C8orf34: variants seen among roughly 807,000 people sequenced by gnomAD.
The protein encoded by C8orf34 is chromosome 8 open reading frame 34, also known as uncharacterized protein C8orf34.
In C8orf34, 65 loss-of-function variants were observed where a neutral mutation model predicts 68.3. That is an observed-to-expected ratio of 0.95 (90% CI 0.78 to 1.17). The LOEUF (loss-of-function observed/expected upper bound fraction) is 1.17, where lower values mean the gene tolerates loss of function less well. Ranked by LOEUF, C8orf34 falls within the 50% of genes most tolerant of loss-of-function variation. C8orf34 has a pLI of 0.00. For synonymous variants in C8orf34, 244 were observed against 241.2 expected, an observed-to-expected ratio of 1.01 and a Z score of -0.11; for missense variants, 664 against 655.4, an observed-to-expected ratio of 1.01 and a Z score of -0.14.
At chr8:68,625,120 T>A (rs1818500250) in intron 7 of C8orf34, among the ~76,000 whole-genome samples, 1 of 152,052 alleles carries the variant, frequency 6.6e-6, no homozygotes, top group African/African-American at 2.4e-5. Flanking sequence ...AAGGTGAACT[T>A]TGAGCAGACA....
At position 68,717,642 on chromosome 8, in the gene C8orf34, G is replaced by A. The variant is rs140958631; in HGVS notation, c.1328-3719G>A. On this transcript the variant is annotated intron_variant, in intron 9 of 13. Coordinates refer to ENST00000518698, the MANE Select transcript of C8orf34 (RefSeq NM_052958.4). The stretch of plus-strand genomic sequence containing the variant: ...GTGGTGGGTTTGGGGTGTTTATTTT[G>A]TCTTTGTAATTTGTAATTTAAATAG... Among the ~76,000 whole-genome samples the A allele has an allele frequency of 6.8e-3, 1,034 of 152,040 alleles. 18 individuals carry two copies. Among genetic ancestry groups the A allele is most frequent in the African/African-American group, 0.024 (983 of 41,462 alleles).
At chr8:68,358,865 T>C (rs1450209953) in intron 1 of C8orf34, among the ~76,000 whole-genome samples, 1 of 151,978 alleles carries the variant, frequency 6.6e-6, no homozygotes, top group Admixed American at 6.6e-5. Flanking sequence ...ATCTGGCTAA[T>C]TTTTGTAGTT....
chr8:68,533,848 T>C (rs1815353316), intron 7 of C8orf34: 2 of 978,638 alleles, frequency 2.0e-6, no homozygotes, highest in African/African-American at 3.5e-5. Flanking sequence ...TTCAGAGTGA[T>C]CCACATATAA....
chr8:68,644,826 C>A (rs1311439658), intron 8 of C8orf34, among the ~76,000 whole-genome samples: 2 of 152,166 alleles, frequency 1.3e-5, no homozygotes, highest in Admixed American at 1.3e-4. Flanking sequence ...ATCAGACCAA[C>A]ATGTAGAGAA....
At chr8:68,519,353 G>A (rs1300216243) in intron 5 of C8orf34, among the ~76,000 whole-genome samples, 2 of 152,186 alleles carry the variant, frequency 1.3e-5, no homozygotes, top group East Asian at 3.8e-4. Flanking sequence ...GTATACATAT[G>A]TGTGTATATA....
At chr8:68,366,589 C>T (rs1211889805) in intron 1 of C8orf34, among the ~76,000 whole-genome samples, 4 of 151,454 alleles carry the variant, frequency 2.6e-5, no homozygotes, top group African/African-American at 2.4e-5. Flanking sequence ...TCAGAAATAA[C>T]ACCGCATACC....
intron 1 of C8orf34, among the ~76,000 whole-genome samples, chr8:68,341,262 A>G (rs1474823519): frequency 6.6e-6 from 1 of 152,164 alleles, no homozygotes; most frequent in African/African-American, 2.4e-5. Flanking sequence ...AATCCCGTTC[A>G]TGAGGGTTGT....
At chr8:68,514,764 A>C (rs73683543) in intron 5 of C8orf34, among the ~76,000 whole-genome samples, 9,040 of 152,266 alleles carry the variant, frequency 0.059, 276 homozygotes, top group Middle Eastern at 0.12. Context: ...TAGTCCATAA[A>C]ATTTTTTCTA....
chr8:68,425,873 G>A (rs916797228), intron 1 of C8orf34, among the ~76,000 whole-genome samples: 26 of 152,202 alleles, frequency 1.7e-4, no homozygotes, highest in African/African-American at 5.3e-4. Flanking sequence ...ATACATACCC[G>A]ATATGTGAAT....
chr8:68,554,992 C>T (rs1294166611), intron 7 of C8orf34, among the ~76,000 whole-genome samples: 1 of 152,132 alleles, frequency 6.6e-6, no homozygotes, highest in African/African-American at 2.4e-5. Context: ...TATTGTGGAT[C>T]TGAAAATACT....
At chr8:68,729,619 TA>T (rs1234754899) in intron 10 of C8orf34, among the ~76,000 whole-genome samples, 1 of 152,124 alleles carries the variant, frequency 6.6e-6, no homozygotes, top group African/African-American at 2.4e-5. Context: ...TTGTCAAAAA[TA>T]ATTTTTAAAA....
At chr8:68,674,161 C>A (rs369231848) in intron 8 of C8orf34, among the ~76,000 whole-genome samples, 2 of 152,144 alleles carry the variant, frequency 1.3e-5, no homozygotes, top group East Asian at 1.9e-4. Context: ...ACCTGGAAAC[C>A]CTTCCCAAGA....
chr8:68,452,853 A>G lies in C8orf34; in HGVS notation c.607+6393A>G, dbSNP rs565266176. ...AGAAACTCTTGCCAAATCCAAGGTCATAATGACTTATCTCTATAATTTCTT... is the reference window on the plus strand; with the variant it reads ...AGAAACTCTTGCCAAATCCAAGGTCGTAATGACTTATCTCTATAATTTCTT... On this transcript the variant is annotated intron_variant, in intron 3 of 13. Transcript: ENST00000518698. 2.6e-5 allele frequency among the ~76,000 whole-genome samples: 4 copies of G among 151,740 alleles called. No individual in the cohort carries two copies. In the South Asian group the frequency reaches 8.3e-4, roughly 32 times the overall value.
chr8:68,417,640 A>G (rs1174052348), intron 1 of C8orf34, among the ~76,000 whole-genome samples: 1 of 152,170 alleles, frequency 6.6e-6, no homozygotes, highest in Non-Finnish European at 1.5e-5. Flanking sequence ...GTGGACTGGA[A>G]ACTTTGGACC....
At chr8:68,384,540 TACA>T (rs1460903477) in intron 1 of C8orf34, among the ~76,000 whole-genome samples, 1 of 152,236 alleles carries the variant, frequency 6.6e-6, no homozygotes, top group Non-Finnish European at 1.5e-5. Flanking sequence ...TTAAATATTG[TACA>T]ACAACAAACA....
intron 7 of C8orf34, among the ~76,000 whole-genome samples, chr8:68,570,228 G>A (rs140417289): frequency 6.8e-4 from 104 of 152,282 alleles, no homozygotes; most frequent in Non-Finnish European, 3.5e-4. Context: ...GAAAATTTAA[G>A]TTTGGGGATA....
intron 11 of C8orf34, among the ~76,000 whole-genome samples, chr8:68,783,053 T>C (rs1293182969): frequency 7.3e-6 from 1 of 137,398 alleles, no homozygotes; most frequent in Non-Finnish European, 1.5e-5. Context: ...GTCTGGGCAA[T>C]AGAGAACATG....
chr8:68,462,002 G>T (rs1397366489), intron 3 of C8orf34, among the ~76,000 whole-genome samples: 2 of 152,100 alleles, frequency 1.3e-5, no homozygotes, highest in Non-Finnish European at 2.9e-5. Flanking sequence ...TAGCAAATTG[G>T]ATAAAGAGTC....
At chr8:68,810,053 G>T (rs569040289) in intron 12 of C8orf34, among the ~76,000 whole-genome samples, 16 of 152,296 alleles carry the variant, frequency 1.1e-4, no homozygotes, top group African/African-American at 3.4e-4. Flanking sequence ...TTGGGGTATT[G>T]CTTCACCAGC....
Sources: gnomAD v4.1 joint callset for allele counts (sites outside exome capture counted in the v4.1 genomes callset) on GRCh38, gnomAD v4.1.1 for gene constraint, MANE v1.5 for transcripts, NCBI Gene and HGNC (gene_info 2026-07-23, HGNC 2026-07-21) for gene names.